ST6GALNAC3: variants seen among roughly 807,000 people sequenced by gnomAD.
The protein encoded by ST6GALNAC3 is ST6 N-acetylgalactosaminide alpha-2,6-sialyltransferase 3, also known as alpha-N-acetylgalactosaminide alpha-2,6-sialyltransferase 3.
A neutral mutation model predicts 32.7 loss-of-function variants in ST6GALNAC3; 25 were observed. The observed-to-expected ratio is 0.76, with a 90% CI of 0.56 to 1.07. ST6GALNAC3 has a LOEUF of 1.07. ST6GALNAC3 is among the 50% of genes least tolerant of loss of function. ST6GALNAC3 has a pLI of 0.00. For missense variants in ST6GALNAC3, 355 were observed against 382.4 expected, an observed-to-expected ratio of 0.93 and a Z score of 0.60; for synonymous variants, 129 against 133.1, an observed-to-expected ratio of 0.97 and a Z score of 0.21.
chr1:76,608,276 T>G (rs1333192082), intron 3 of ST6GALNAC3, among the ~76,000 whole-genome samples: 2 of 152,182 alleles, frequency 1.3e-5, no homozygotes, highest in Non-Finnish European at 2.9e-5. Context: ...TAAATGGTAT[T>G]TATTCATTTA....
At chr1:76,178,907 A>G (rs1371032706) in intron 1 of ST6GALNAC3, among the ~76,000 whole-genome samples, 1 of 152,114 alleles carries the variant, frequency 6.6e-6, no homozygotes, top group African/African-American at 2.4e-5. Flanking sequence ...TTCCTTGTCT[A>G]CTACTGTCAC....
At chr1:76,417,378 C>T (rs1205828493) in intron 3 of ST6GALNAC3, among the ~76,000 whole-genome samples, 4 of 152,074 alleles carry the variant, frequency 2.6e-5, no homozygotes, top group Non-Finnish European at 1.5e-5. Context: ...TTCAAAACAA[C>T]CTGGACCAAA....
Position 76,510,187 on chromosome 1 carries a change from C to T in ST6GALNAC3, c.623+97770C>T, listed in dbSNP as rs76510909. Among the ~76,000 whole-genome samples, 79 of 152,230 alleles carry T rather than the reference C, an allele frequency of 5.2e-4. 2 individuals carry two copies. The East Asian group carries it at 0.013, about 24-fold the overall frequency. On this transcript the variant is annotated intron_variant, in intron 3 of 4. Coordinates refer to ENST00000328299, the MANE Select transcript of ST6GALNAC3 (RefSeq NM_152996.4). ...TTTTCCCTGTTAGAGTAAGTAATCA[C>T]AGCATTAATAGGTAGGACATGATTT...
At chr1:76,519,421 T>G (rs1310039559) in intron 3 of ST6GALNAC3, among the ~76,000 whole-genome samples, 1 of 152,144 alleles carries the variant, frequency 6.6e-6, no homozygotes, top group African/African-American at 2.4e-5. Context: ...TTGCAAGGAA[T>G]TATTCACTGC....
chr1:76,262,873 C>T (rs1215905032), intron 1 of ST6GALNAC3, among the ~76,000 whole-genome samples: 2 of 152,122 alleles, frequency 1.3e-5, no homozygotes, highest in African/African-American at 4.8e-5. Flanking sequence ...TGGTATTTCA[C>T]AACCTCTTGG....
rs527984926 is a variant in ST6GALNAC3 at position 76,457,072 on chromosome 1, G to A, written c.623+44655G>A. ...TATACACCAATAACAGACAAACAGA[G>A]AGCCAAATCATGAGTGAACTCCCAT... On this transcript the variant is annotated intron_variant, in intron 3 of 4. Transcript: ENST00000328299. Among the ~76,000 whole-genome samples the A allele has an allele frequency of 7.3e-5, 11 of 151,706 alleles. No individual in the cohort carries two copies. In the East Asian group the frequency reaches 1.4e-3, roughly 19 times the overall value.
intron 3 of ST6GALNAC3, among the ~76,000 whole-genome samples, chr1:76,418,037 G>T (rs1654764495): frequency 2.0e-5 from 3 of 152,110 alleles, no homozygotes; most frequent in Non-Finnish European, 4.4e-5. Context: ...ATCTTTGCCA[G>T]CCTGTTCCAT....
intron 1 of ST6GALNAC3, among the ~76,000 whole-genome samples, chr1:76,308,275 C>T (rs958960808): frequency 2.0e-5 from 3 of 152,108 alleles, no homozygotes; most frequent in African/African-American, 4.8e-5. Context: ...GTAGTTATGT[C>T]GTAATAGCTT....
chr1:76,149,466 A>G (rs191108240), intron 1 of ST6GALNAC3, among the ~76,000 whole-genome samples: 27 of 152,260 alleles, frequency 1.8e-4, no homozygotes, highest in African/African-American at 2.4e-5. Flanking sequence ...TCCCCGCCCC[A>G]CCAGCTTTAT....
intron 1 of ST6GALNAC3, among the ~76,000 whole-genome samples, chr1:76,155,562 G>A (rs1651350974): frequency 6.6e-6 from 1 of 151,976 alleles, no homozygotes; most frequent in Admixed American, 6.6e-5. Context: ...CCGCCTCCCG[G>A]GTTCATGCCA....
At chr1:76,360,832 T>C (rs1326539843) in intron 2 of ST6GALNAC3, among the ~76,000 whole-genome samples, 2 of 152,200 alleles carry the variant, frequency 1.3e-5, no homozygotes, top group African/African-American at 4.8e-5. Flanking sequence ...TAGAACCTCG[T>C]TGGCCTTCTG....
At chr1:76,181,830 T>C (rs1250599907) in intron 1 of ST6GALNAC3, among the ~76,000 whole-genome samples, 1 of 152,214 alleles carries the variant, frequency 6.6e-6, no homozygotes, top group Non-Finnish European at 1.5e-5. Context: ...GATTAGAATT[T>C]AGAATTTAGT....
chr1:76,530,010 C>T (rs116717179), intron 3 of ST6GALNAC3, among the ~76,000 whole-genome samples: 9 of 152,074 alleles, frequency 5.9e-5, no homozygotes, highest in East Asian at 1.9e-4. Context: ...CCTCTGAGAG[C>T]GTTAATAAAT....
At chr1:76,221,997 T>C (rs1403058537) in intron 1 of ST6GALNAC3, among the ~76,000 whole-genome samples, 3 of 152,200 alleles carry the variant, frequency 2.0e-5, no homozygotes, top group Non-Finnish European at 2.9e-5. Context: ...GAGTGATTTT[T>C]CTGTTACTGG....
intron 1 of ST6GALNAC3, among the ~76,000 whole-genome samples, chr1:76,238,454 T>C (rs1031683881): frequency 2.0e-5 from 3 of 152,180 alleles, no homozygotes; most frequent in Non-Finnish European, 2.9e-5. Context: ...TATTTGTTAG[T>C]ACATCCACAG....
At chr1:76,154,813 T>A (rs1007116833) in intron 1 of ST6GALNAC3, among the ~76,000 whole-genome samples, 32 of 152,036 alleles carry the variant, frequency 2.1e-4, no homozygotes, top group African/African-American at 7.7e-4. Context: ...GCAAGGGAAA[T>A]ACAAGCCATA....
chr1:76,182,068 C>T (rs1022805936), intron 1 of ST6GALNAC3, among the ~76,000 whole-genome samples: 2 of 152,120 alleles, frequency 1.3e-5, no homozygotes, highest in Non-Finnish European at 2.9e-5. Flanking sequence ...ATTTGAGAGT[C>T]TAATATCAAA....
At chr1:76,236,612 C>T (rs1656675756) in intron 1 of ST6GALNAC3, among the ~76,000 whole-genome samples, 1 of 152,084 alleles carries the variant, frequency 6.6e-6, no homozygotes, top group Non-Finnish European at 1.5e-5. Context: ...TAATCTGAAG[C>T]TTAGAGAGGT....
intron 2 of ST6GALNAC3, among the ~76,000 whole-genome samples, chr1:76,326,859 G>T (rs2100942774): frequency 4.6e-5 from 5 of 108,648 alleles, no homozygotes; most frequent in Admixed American, 2.1e-4. Context: ...GTTTAGGTAT[G>T]CAATCTCAAT....
Sources: allele counts gnomAD v4.1 joint callset (sites outside exome capture counted in the v4.1 genomes callset), GRCh38; gene constraint gnomAD v4.1.1; transcripts MANE v1.5; gene names NCBI Gene and HGNC (gene_info 2026-07-23, HGNC 2026-07-21).